DST: variants seen among roughly 807,000 people sequenced by gnomAD.
DST encodes bullous pemphigoid antigen.
DST carries 253 observed loss-of-function variants against 875.2 expected under a neutral mutation model. The observed-to-expected ratio is 0.29, with a 90% CI of 0.26 to 0.32. The LOEUF (loss-of-function observed/expected upper bound fraction) is 0.32. Among genes scored for constraint, DST ranks in the 10% least tolerant of loss-of-function variants. The pLI is 1.00. For missense variants in DST, 8,287 were observed against 9,111.6 expected, an observed-to-expected ratio of 0.91 and a Z score of 3.68; for synonymous variants, 3,124 against 3,197.1, an observed-to-expected ratio of 0.98 and a Z score of 0.77.
chr6:56,944,457 CT>C (rs201541727), intron 2 of DST, among the ~76,000 whole-genome samples: 2 of 150,972 alleles, frequency 1.3e-5, no homozygotes, highest in African/African-American at 2.4e-5. Flanking sequence ...AAGAGTTACC[CT>C]TTTTTTTTGT....
intron 4 of DST, among the ~76,000 whole-genome samples, chr6:56,748,227 A>G (rs965818152): frequency 1.3e-5 from 2 of 152,170 alleles, no homozygotes; most frequent in African/African-American, 2.4e-5. Flanking sequence ...ATGGTTGTAT[A>G]TGGTTGTATA....
chr6:56,915,845 G>A (rs545255922), intron 2 of DST, among the ~76,000 whole-genome samples: 3 of 152,280 alleles, frequency 2.0e-5, no homozygotes, highest in African/African-American at 7.2e-5. Context: ...AGAATGAGTG[G>A]TTAAACTAAT....
intron 68 of DST, among the ~76,000 whole-genome samples, chr6:56,526,796 A>C (rs2096807716): frequency 6.6e-6 from 1 of 152,322 alleles, no homozygotes; most frequent in African/African-American, 2.4e-5. Context: ...TCGACACGGC[A>C]AGATTTTATC....
chr6:56,908,651 G>T (rs977882366), intron 2 of DST, among the ~76,000 whole-genome samples: 2 of 152,214 alleles, frequency 1.3e-5, no homozygotes, highest in African/African-American at 2.4e-5. Flanking sequence ...CTACTGGGCT[G>T]CATTCCCAGA....
chr6:56,516,769 T>A (rs1236711154), intron 71 of DST, among the ~76,000 whole-genome samples: 1 of 152,184 alleles, frequency 6.6e-6, no homozygotes, highest in Non-Finnish European at 1.5e-5. Flanking sequence ...TATAGCTTAC[T>A]GTAACTTTAT....
intron 69 of DST, among the ~76,000 whole-genome samples, chr6:56,518,463 T>C (rs966104162): frequency 8.7e-6 from 1 of 115,520 alleles, no homozygotes; most frequent in Non-Finnish European, 1.9e-5. Flanking sequence ...TCCCATGTCA[T>C]ACTCCTTTAA....
rs564267025 is a variant in DST, at chr6:56,741,516, G to A, written c.626-6227C>T. ...CTACAGGAATGAGAAAAGAGTTAAT[G>A]TGAATTCTAAAGGCTTCAACTTTCT... On this transcript the variant is annotated intron_variant, in intron 4 of 103. Coordinates refer to ENST00000680361, the MANE Select transcript of DST (RefSeq NM_001374736.1). Among the ~76,000 whole-genome samples the A allele has an allele frequency of 2.0e-5, 3 of 152,302 alleles. No individual in the cohort carries two copies. The South Asian group carries it at 6.2e-4, about 32-fold the overall frequency.
intron 38 of DST, 105 bp downstream of exon 38, chr6:56,611,403 T>A: frequency 2.8e-6 from 2 of 724,774 alleles, no homozygotes; most frequent in South Asian, 3.2e-5. Context: ...TTAGTTTGAG[T>A]CCCATATTTA....
chr6:56,504,299 C>T (rs2096243618), intron 77 of DST, among the ~76,000 whole-genome samples: 2 of 152,146 alleles, frequency 1.3e-5, no homozygotes, highest in East Asian at 3.9e-4. Context: ...GAAATAGATA[C>T]ATACAAGTTT....
chr6:56,931,314 A>T (rs62411425), intron 2 of DST, among the ~76,000 whole-genome samples: 8,175 of 152,170 alleles, frequency 0.054, 346 homozygotes, highest in East Asian at 0.17. Context: ...TGGGTTTGTG[A>T]ATCTCCGCCT....
At chr6:56,586,744 G>A (rs1443628981) in intron 49 of DST, among the ~76,000 whole-genome samples, 1 of 152,090 alleles carries the variant, frequency 6.6e-6, no homozygotes, top group Admixed American at 6.5e-5. Context: ...AGCAGCATTC[G>A]CGGTTCACGA....
intron 4 of DST, among the ~76,000 whole-genome samples, chr6:56,762,983 T>G (rs2099621195): frequency 1.3e-5 from 2 of 151,704 alleles, no homozygotes. Context: ...CCCGAGTAGC[T>G]GGGATTAAAG....
intron 4 of DST, among the ~76,000 whole-genome samples, chr6:56,764,991 G>GGA: frequency 6.1e-5 from 6 of 98,782 alleles, no homozygotes; most frequent in Admixed American, 2.7e-4. Flanking sequence ...GGGAGGGAGG[G>GGA]AGGGAGGAAG....
chr6:56,497,747 C>T (rs886300097), intron 81 of DST, 109 bp downstream of exon 81: 2 of 1,085,724 alleles, frequency 1.8e-6, no homozygotes, highest in Non-Finnish European at 2.6e-6. Flanking sequence ...TTTTACTCCT[C>T]TCCTTAAGGT....
At chr6:56,551,295 T>TA (rs2097317191) in intron 61 of DST, among the ~76,000 whole-genome samples, 1 of 144,618 alleles carries the variant, frequency 6.9e-6, no homozygotes, top group Non-Finnish European at 1.6e-5. Context: ...TATTTGGTCT[T>TA]AGTTTATTCT....
At chr6:56,689,689 C>G (rs550338879) in intron 9 of DST, among the ~76,000 whole-genome samples, 1 of 152,144 alleles carries the variant, frequency 6.6e-6, no homozygotes, top group Admixed American at 6.6e-5. Flanking sequence ...AGAGCACCCA[C>G]CCTTATCTAT....
rs2094798688 is a variant in DST, at chr6:56,469,967, AC to A, written c.22477-11del. The A allele has an allele frequency of 1.2e-6, 2 of 1,613,252 alleles. No individual in the cohort carries two copies. The highest frequency in any genetic ancestry group is 1.1e-5 in the South Asian group (1 of 91,072). On this transcript the variant is annotated splice_polypyrimidine_tract_variant and intron_variant, in intron 96 of 103. Coordinates refer to ENST00000680361, the MANE Select transcript of DST (RefSeq NM_001374736.1). ...CTACCTGCCTTGTCACCTGCCAAAAACAATGATGAAATATTTACTTTAATGT... is the reference window on the plus strand; with the variant it reads ...CTACCTGCCTTGTCACCTGCCAAAAAAATGATGAAATATTTACTTTAATGT...
At position 56,474,001 on chromosome 6, in the gene DST, G is replaced by C; in HGVS notation, c.21866C>G (p.Thr7289Ser). 6.4e-7 allele frequency: 1 copy of C among 1,572,528 alleles called. No individual in the cohort carries two copies. The highest frequency in any genetic ancestry group is 1.9e-5 in the Admixed American group (1 of 53,854). The change falls in exon 93 of 104, where the codon ACC (threonine) becomes AGC (serine). Residue 7289 changes from threonine (T) to serine (S), a missense_variant and splice_region_variant. This residue lies in a region of DST where 1,292 missense variants were observed against 1,552.7 expected (regional missense o/e 0.83). Coordinates refer to ENST00000680361, the MANE Select transcript of DST (RefSeq NM_001374736.1). The stretch of plus-strand genomic sequence containing the variant: ...TTTTCTGGTCATTTCCTCCATGAAG[G>C]TCTGAAATGAAAGAAATGATGTCAA... Reference protein sequence around the residue: ...EVKALIAEHQTFMEEMTRKQP... With the variant: ...EVKALIAEHQSFMEEMTRKQP...
At position 56,640,299 on chromosome 6, in the gene DST, G is replaced by A. The variant is rs777134009; in HGVS notation, c.2334C>T (p.Phe778=). ...ATGAATTTGGCTCTACTCCTGAACTGAAATTTGGAACTAATCCTGATGGGA... is the reference window on the plus strand; with the variant it reads ...ATGAATTTGGCTCTACTCCTGAACTAAAATTTGGAACTAATCCTGATGGGA... ...PGFPSGLVPN[F]SSGVEPNSLQ... The change falls in exon 18 of 104, where the codon TTC becomes TTT. Residue 778 remains phenylalanine (F), a synonymous_variant. Coordinates refer to ENST00000680361, the MANE Select transcript of DST (RefSeq NM_001374736.1). 1 of 1,614,138 alleles carries A rather than the reference G, an allele frequency of 6.2e-7. No individual in the cohort carries two copies. The highest frequency in any genetic ancestry group is 1.1e-5 in the South Asian group (1 of 91,072).
Sources: allele counts gnomAD v4.1 joint callset (sites outside exome capture counted in the v4.1 genomes callset), GRCh38; gene constraint gnomAD v4.1.1; regional missense constraint gnomAD v4.1.1; transcripts MANE v1.5; gene names NCBI Gene and HGNC (gene_info 2026-07-23, HGNC 2026-07-21).